Variants in HYDIN observed in about 807,000 individuals in gnomAD.
The protein encoded by HYDIN is axonemal central pair apparatus protein HYDIN.
Under a neutral mutation model 403.9 loss-of-function variants are expected in HYDIN, and 132 were observed. The observed-to-expected ratio is 0.33, with a 90% confidence interval of 0.28 to 0.38. The LOEUF is 0.38. Among genes scored for constraint, HYDIN ranks in the 10% least tolerant of loss-of-function variants. The pLI, the probability that HYDIN is intolerant of heterozygous loss-of-function variation, is 1.00. For synonymous variants in HYDIN, 1,202 were observed against 1,891.7 expected, an observed-to-expected ratio of 0.64 and a Z score of 9.46; for missense variants, 2,827 against 5,009.5, an observed-to-expected ratio of 0.56 and a Z score of 13.15.
chr16:70,990,332 T>C (rs1465438555), intron 25 of HYDIN, among the ~76,000 whole-genome samples: 1 of 131,692 alleles, frequency 7.6e-6, no homozygotes, highest in Admixed American at 8.7e-5. Flanking sequence ...GAGGTGGAGG[T>C]TGCAGTGGGT....
chr16:70,888,645 T>C (rs893169025), intron 58 of HYDIN, among the ~76,000 whole-genome samples: 3 of 151,606 alleles, frequency 2.0e-5, no homozygotes, highest in Non-Finnish European at 2.9e-5. Flanking sequence ...CCATGTGGTA[T>C]CTCCACAAAC....
chr16:71,055,697 T>A (rs1417197412), intron 18 of HYDIN, among the ~76,000 whole-genome samples: 1 of 152,046 alleles, frequency 6.6e-6, no homozygotes, highest in Non-Finnish European at 1.5e-5. Flanking sequence ...ATCCAGGAAT[T>A]CTAAGTATCT....
intron 7 of HYDIN, among the ~76,000 whole-genome samples, chr16:71,148,468 T>C (rs1428103989): frequency 1.3e-5 from 2 of 152,138 alleles, no homozygotes; most frequent in African/African-American, 2.4e-5. Flanking sequence ...TTTGTGTATA[T>C]ACAAAATCCA....
At chr16:71,212,109 A>G (rs1446625447) in intron 1 of HYDIN, among the ~76,000 whole-genome samples, 2 of 152,246 alleles carry the variant, frequency 1.3e-5, no homozygotes, top group Non-Finnish European at 2.9e-5. Context: ...CTTTGACTGG[A>G]TCCTTGAAAA....
At chr16:71,156,851 G>T (rs918861060) in intron 6 of HYDIN, among the ~76,000 whole-genome samples, 1 of 151,830 alleles carries the variant, frequency 6.6e-6, no homozygotes, top group African/African-American at 2.4e-5. Flanking sequence ...AATCATCAAA[G>T]TTATTCTGAT....
chr16:70,877,984 T>C (rs995616873), intron 62 of HYDIN, among the ~76,000 whole-genome samples: 2 of 152,054 alleles, frequency 1.3e-5, no homozygotes, highest in African/African-American at 4.8e-5. Flanking sequence ...CTGAAGAGTA[T>C]TCTTCAGTTG....
chr16:70,917,368 T>G (rs1045854265), intron 47 of HYDIN, among the ~76,000 whole-genome samples: 1 of 152,282 alleles, frequency 6.6e-6, no homozygotes, highest in South Asian at 2.1e-4. Context: ...CCTTGTAAAC[T>G]GAGGTTTGGG....
intron 22 of HYDIN, among the ~76,000 whole-genome samples, chr16:71,018,976 G>C (rs1334882373): frequency 6.6e-6 from 1 of 150,736 alleles, no homozygotes. Flanking sequence ...GACAGATTAG[G>C]TAATTTAATT....
At chr16:71,056,354 T>C (rs1325234786) in intron 18 of HYDIN, among the ~76,000 whole-genome samples, 3 of 152,136 alleles carry the variant, frequency 2.0e-5, no homozygotes, top group African/African-American at 7.2e-5. Flanking sequence ...AAAAATATAA[T>C]CTTCACTGTT....
intron 8 of HYDIN, among the ~76,000 whole-genome samples, chr16:71,130,807 CCT>C (rs767698595): frequency 7.7e-5 from 10 of 129,908 alleles, no homozygotes; most frequent in African/African-American, 4.4e-4. Context: ...GTTTTCTCCC[CCT>C]GTCAACCATA....
At chr16:71,108,444 G>C (rs2083697453) in intron 10 of HYDIN, among the ~76,000 whole-genome samples, 2 of 152,104 alleles carry the variant, frequency 1.3e-5, no homozygotes, top group Admixed American at 1.3e-4. Flanking sequence ...ACACACTGAG[G>C]CTTCTAGGGG....
chr16:71,045,059 C>T (rs1271000825), intron 18 of HYDIN, among the ~76,000 whole-genome samples: 20 of 152,158 alleles, frequency 1.3e-4, no homozygotes, highest in Admixed American at 1.3e-4. Context: ...AGACATTTTA[C>T]CAGAGCCCAT....
chr16:71,200,765 ATCT>A lies in HYDIN; in HGVS notation c.-23-13850_-23-13848del, dbSNP rs781437298. On this transcript the variant is annotated intron_variant, in intron 1 of 85. Transcript: ENST00000393567. ...TATCAAATTCAAGCCTGGGCTACTG[ATCT>A]TCTTTCAGAAAGAGTCTTGATCCAT... Among the ~76,000 whole-genome samples the A allele has an allele frequency of 2.1e-4, 32 of 152,296 alleles. 1 individual carries two copies. In the South Asian group the frequency reaches 6.0e-3, roughly 29 times the overall value.
intron 53 of HYDIN, among the ~76,000 whole-genome samples, chr16:70,898,900 C>T (rs1478256579): frequency 6.6e-6 from 1 of 151,856 alleles, no homozygotes; most frequent in Admixed American, 6.6e-5. Flanking sequence ...TGCGCCACCA[C>T]ATCCGGCTAA....
intron 28 of HYDIN, among the ~76,000 whole-genome samples, chr16:70,982,271 G>A (rs2079070083): frequency 6.6e-6 from 1 of 151,252 alleles, no homozygotes; most frequent in Non-Finnish European, 1.5e-5. Flanking sequence ...AGAAAAATAT[G>A]AATAACAAAA....
At chr16:71,213,751 T>C (rs2088721180) in intron 1 of HYDIN, among the ~76,000 whole-genome samples, 1 of 152,126 alleles carries the variant, frequency 6.6e-6, no homozygotes, top group African/African-American at 2.4e-5. Context: ...TTAAAAGTTA[T>C]TAGCAAATTA....
intron 9 of HYDIN, among the ~76,000 whole-genome samples, chr16:71,125,860 C>A (rs2084433192): frequency 6.6e-6 from 1 of 151,978 alleles, no homozygotes; most frequent in African/African-American, 2.4e-5. Flanking sequence ...CATGCATCAC[C>A]CAACCTTGCC....
At chr16:71,226,257 G>T (rs2041027986) in intron 1 of HYDIN, among the ~76,000 whole-genome samples, 1 of 152,128 alleles carries the variant, frequency 6.6e-6, no homozygotes, top group Admixed American at 6.5e-5. Flanking sequence ...GGAATATTCT[G>T]TTACATTGAT....
chr16:70,995,658 T>C (rs1203689732), intron 23 of HYDIN, among the ~76,000 whole-genome samples: 1 of 152,136 alleles, frequency 6.6e-6, no homozygotes, highest in Non-Finnish European at 1.5e-5. Flanking sequence ...GCAGCTTCCA[T>C]GATCTTTGCA....
Sources: allele counts gnomAD v4.1 joint callset (sites outside exome capture counted in the v4.1 genomes callset), GRCh38; gene constraint gnomAD v4.1.1; transcripts MANE v1.5; gene names NCBI Gene and HGNC (gene_info 2026-07-23, HGNC 2026-07-21).